UCP1: variants seen among roughly 807,000 people sequenced by gnomAD.
The protein encoded by UCP1 is mitochondrial brown fat uncoupling protein 1.
In UCP1, 24 loss-of-function variants were observed where a neutral mutation model predicts 26.2. That is an observed-to-expected ratio of 0.92 (90% CI 0.66 to 1.29). UCP1 has a LOEUF of 1.29. Among genes scored for constraint, UCP1 ranks in the 50% most tolerant of loss-of-function variants. The pLI, the probability that UCP1 is intolerant of heterozygous loss-of-function variation, is 0.00. For missense variants in UCP1, 402 were observed against 388.7 expected (o/e 1.03, Z -0.29); for synonymous variants, 164 against 156.8 (o/e 1.05, Z -0.34).
intron 2 of UCP1, 117 bp downstream of exon 2, chr4:140,567,662 A>C (rs546015639): frequency 1.5e-6 from 2 of 1,343,094 alleles, no homozygotes; most frequent in African/African-American, 1.4e-5. Context: ...GGAGAGTTCA[A>C]ATATGAATGT....
In UCP1 at chr4:140,567,806, G is replaced by A. The variant is rs539685692; in HGVS notation, c.298C>T (p.Gln100Ter). 6.2e-7 allele frequency: 1 copy of A among 1,614,110 alleles called. No individual in the cohort carries two copies. Among genetic ancestry groups the A allele is most frequent in the South Asian group, 1.1e-5 (1 of 91,074 alleles). ...TCTTTCCCTGCGGTGAGGAACTCCT[G>A]GACCGTGTCGTAGAGGCCGATCCTG... ...SLRIGLYDTV[Q>*]EFLTAGKETA... Residue 100 changes from glutamine to a stop codon, truncating the protein, a stop_gained, in exon 2 of 6, where the codon CAG becomes TAG. Coordinates refer to ENST00000262999, the MANE Select transcript of UCP1 (RefSeq NM_021833.5). LOFTEE classifies it high-confidence loss of function.
chr4:140,563,340 T>C lies in UCP1; in HGVS notation c.504A>G (p.Glu168=). ...TACCTTTCCAAAGACCCGTCAAGCC[T>C]TCGGTTGTTGCTATTATTCTGTACG... The part of the protein sequence containing the change: ...YNAYRIIATT[E]GLTGLWKGTT... The change falls in exon 3 of 6, where the codon GAA becomes GAG. Residue 168 remains glutamate (E), a synonymous_variant. Coordinates refer to ENST00000262999, the MANE Select transcript of UCP1 (RefSeq NM_021833.5). The C allele has an allele frequency of 6.2e-7, 1 of 1,614,194 alleles. No individual in the cohort carries two copies. The highest frequency in any genetic ancestry group is 8.5e-7 in the Non-Finnish European group (1 of 1,180,034).
At chr4:140,563,572 A>G (rs2110911043) in intron 2 of UCP1, 54 bp from the exon 3 acceptor site, 2 of 1,488,518 alleles carry the variant, frequency 1.3e-6, no homozygotes, top group Non-Finnish European at 9.1e-7. Context: ...CCTAGAATGC[A>G]TGCATGTCTT....
chr4:140,564,982 G>C (rs575093372), intron 2 of UCP1, among the ~76,000 whole-genome samples: 75 of 152,228 alleles, frequency 4.9e-4, no homozygotes, highest in African/African-American at 1.6e-3. Context: ...AGATGTTTTT[G>C]CTAGAAAATC....
chr4:140,565,169 A>C (rs1735769761), intron 2 of UCP1, among the ~76,000 whole-genome samples: 1 of 152,180 alleles, frequency 6.6e-6, no homozygotes, highest in South Asian at 2.1e-4. Flanking sequence ...ACCTGTTGAC[A>C]TGGCCTAAAC....
At chr4:140,563,698 C>G (rs1407153158) in intron 2 of UCP1, among the ~76,000 whole-genome samples, 180 bp from the exon 3 acceptor site, 1 of 151,202 alleles carries the variant, frequency 6.6e-6, no homozygotes, top group African/African-American at 2.4e-5. Context: ...ATCTCCGCCT[C>G]CCGGGTTCAA....
In UCP1 at chr4:140,568,707, T is replaced by A; in HGVS notation, c.23A>T (p.Asp8Val). The change falls in exon 1 of 6, where the codon GAC becomes GTC. Residue 8 changes from aspartate (D) to valine (V), a missense_variant. Transcript: ENST00000262999. MGGLTAS[D>V]VHPTLGVQLF... ...CTGGACCCCCAGGGTCGGGTGTACG[T>A]CCGAGGCTGTCAGGCCCCCCATCTT... 1 of 1,598,818 alleles carries A rather than the reference T, an allele frequency of 6.3e-7. No individual in the cohort carries two copies.
intron 2 of UCP1, among the ~76,000 whole-genome samples, chr4:140,566,515 A>T (rs894252832): frequency 2.3e-4 from 35 of 152,322 alleles, no homozygotes; most frequent in African/African-American, 8.4e-4. Flanking sequence ...ATCTATAAAT[A>T]AAAAAATGCA....
intron 5 of UCP1, among the ~76,000 whole-genome samples, chr4:140,561,373 G>C (rs549281392): frequency 2.0e-5 from 3 of 151,936 alleles, no homozygotes; most frequent in African/African-American, 7.3e-5. Context: ...TCTTTTTTGA[G>C]ACAGGGACTT....
rs140830198 is a variant in UCP1, at chr4:140,563,343, G to C, written c.501C>G (p.Thr167=). ...TYNAYRIIAT[T]EGLTGLWKGT... ...CTTTCCAAAGACCCGTCAAGCCTTC[G>C]GTTGTTGCTATTATTCTGTACGCAT... Residue 167 remains threonine, a synonymous_variant, in exon 3 of 6, where the codon ACC becomes ACG. Transcript: ENST00000262999. The C allele has an allele frequency of 1.2e-6, 2 of 1,614,108 alleles. No individual in the cohort carries two copies. Among genetic ancestry groups the C allele is most frequent in the East Asian group, 2.2e-5 (1 of 44,870 alleles).
At chr4:140,568,287 G>A (rs1735849995) in intron 1 of UCP1, among the ~76,000 whole-genome samples, 1 of 152,084 alleles carries the variant, frequency 6.6e-6, no homozygotes, top group Admixed American at 6.5e-5. Flanking sequence ...AAAGGAAAAA[G>A]CACCTGACTA....
Position 140,562,279 on chromosome 4 carries a change from A to C in UCP1, c.723T>G (p.Ile241Met), listed in dbSNP as rs1735693548. The C allele has an allele frequency of 6.2e-7, 1 of 1,614,164 alleles. No individual in the cohort carries two copies. The highest frequency in any genetic ancestry group is 1.3e-5 in the African/African-American group (1 of 75,034). Reference sequence around the variant, plus strand: ...TTTTGTACTGTCCTGGTGGAGAATTAATAAATCTGGTTTTTACTACATCCA... The same window carrying C: ...TTTTGTACTGTCCTGGTGGAGAATTCATAAATCTGGTTTTTACTACATCCA... ...SPVDVVKTRF[I>M]NSPPGQYKSV... Residue 241 changes from isoleucine (I) to methionine (M), a missense_variant, in exon 5 of 6, where the codon ATT (isoleucine) becomes ATG (methionine). Ile to Met is a conservative substitution (Grantham distance 10). Transcript: ENST00000262999.
chr4:140,568,804 C>T lies in UCP1; in HGVS notation c.-75G>A. On this transcript the variant is annotated 5_prime_UTR_variant, in exon 1 of 6. Transcript: ENST00000262999. Reference sequence around the variant, plus strand: ...GTGGAGGAAGTTCCTTTCCCTTGCTCTTCACGCCTGTCCGCCGGGCAGCAA... The same window carrying T: ...GTGGAGGAAGTTCCTTTCCCTTGCTTTTCACGCCTGTCCGCCGGGCAGCAA... The T allele has an allele frequency of 2.6e-6, 4 of 1,534,222 alleles. No individual in the cohort carries two copies. The Admixed American group carries it at 5.9e-5, about 23-fold the overall frequency.
intron 2 of UCP1, among the ~76,000 whole-genome samples, chr4:140,565,720 C>A (rs368246331): frequency 6.6e-6 from 1 of 152,204 alleles, no homozygotes; most frequent in African/African-American, 2.4e-5. Flanking sequence ...CACCCCTTTG[C>A]CTGGAGTACT....
chr4:140,562,574 A>G (rs866270940), intron 4 of UCP1, among the ~76,000 whole-genome samples: 5 of 152,344 alleles, frequency 3.3e-5, no homozygotes, highest in Middle Eastern at 3.4e-3. Context: ...ACACTTTAGG[A>G]AAGTAAACTG....
chr4:140,562,186 A>G lies in UCP1; in HGVS notation c.809+7T>C. The G allele has an allele frequency of 6.2e-7, 1 of 1,614,178 alleles. No homozygotes were observed. On this transcript the variant is annotated splice_region_variant and intron_variant, in intron 5 of 5. Transcript: ENST00000262999. ...ACACATTACAGATACACAAGATCATATCTTACCCCTTGAAGAAAGCCGTTG... is the reference window on the plus strand; with the variant it reads ...ACACATTACAGATACACAAGATCATGTCTTACCCCTTGAAGAAAGCCGTTG...
Position 140,567,821 on chromosome 4 carries a change from G to A in UCP1, c.283C>T (p.Leu95Phe), listed in dbSNP as rs1437946019. ...AGGAACTCCTGGACCGTGTCGTAGA[G>A]GCCGATCCTGAGAGAGGCGGAGCTG... ...QISSASLRIG[L>F]YDTVQEFLTA... Residue 95 changes from leucine to phenylalanine, a missense_variant, in exon 2 of 6, where the codon CTC (leucine) becomes TTC (phenylalanine). Transcript: ENST00000262999. 1.2e-6 allele frequency: 2 copies of A among 1,614,130 alleles called. No individual in the cohort carries two copies. Among genetic ancestry groups the A allele is most frequent in the South Asian group, 1.1e-5 (1 of 91,076 alleles).
chr4:140,567,828 C>G lies in UCP1; in HGVS notation c.276G>C (p.Arg92Ser). The change falls in exon 2 of 6, where the codon AGG becomes AGC. Residue 92 changes from arginine to serine, a missense_variant. By Grantham distance (110) the Arg-to-Ser change is moderately radical. Coordinates refer to ENST00000262999, the MANE Select transcript of UCP1 (RefSeq NM_021833.5). Reference protein sequence around the residue: ...LQRQISSASLRIGLYDTVQEF... With the variant: ...LQRQISSASLSIGLYDTVQEF... The stretch of plus-strand genomic sequence containing the variant: ...CCTGGACCGTGTCGTAGAGGCCGAT[C>G]CTGAGAGAGGCGGAGCTGATTTGCC... 6.2e-7 allele frequency: 1 copy of G among 1,614,118 alleles called. No homozygotes were observed. Among genetic ancestry groups the G allele is most frequent in the Non-Finnish European group, 8.5e-7 (1 of 1,180,028 alleles).
intron 4 of UCP1, among the ~76,000 whole-genome samples, chr4:140,562,587 A>G (rs1735702446): frequency 6.6e-6 from 1 of 152,216 alleles, no homozygotes; most frequent in Admixed American, 6.5e-5. Flanking sequence ...GTAAACTGTT[A>G]GTTTCCTCTG....
Sources: gnomAD v4.1 joint callset for allele counts (sites outside exome capture counted in the v4.1 genomes callset) on GRCh38, gnomAD v4.1.1 for gene constraint, MANE v1.5 for transcripts, NCBI Gene and HGNC (gene_info 2026-07-23, HGNC 2026-07-21) for gene names.